WWOX: variants seen among roughly 807,000 people sequenced by gnomAD.
The protein encoded by WWOX is WW domain containing oxidoreductase, also known as WW domain-containing oxidoreductase.
In WWOX, 69 loss-of-function variants were observed where a neutral mutation model predicts 46.2. The observed-to-expected ratio is 1.49, with a 90% confidence interval of 1.23 to 1.82. The LOEUF is 1.82. Among genes scored for constraint, WWOX ranks in the 40% most tolerant of loss-of-function variants. The probability of loss-of-function intolerance (pLI) is 0.00; values close to 1 mark genes in which losing one functional copy is unlikely to be tolerated. For synonymous variants in WWOX, 359 were observed against 202.6 expected, an observed-to-expected ratio of 1.77 and a Z score of -6.56; for missense variants, 919 against 542.6, an observed-to-expected ratio of 1.69 and a Z score of -6.89.
At chr16:78,391,857 G>A (rs2082180027) in intron 6 of WWOX, among the ~76,000 whole-genome samples, 1 of 152,130 alleles carries the variant, frequency 6.6e-6, no homozygotes, top group East Asian at 1.9e-4. Flanking sequence ...CCAAAATTTA[G>A]TGGCTAAAAA....
intron 8 of WWOX, among the ~76,000 whole-genome samples, chr16:78,481,390 A>G (rs1245747248): frequency 1.3e-5 from 2 of 152,060 alleles, no homozygotes; most frequent in Non-Finnish European, 2.9e-5. Flanking sequence ...ATATCCTTTC[A>G]ATAGAGGTGA....
At chr16:78,497,854 A>C (rs1717451774) in intron 8 of WWOX, among the ~76,000 whole-genome samples, 1 of 62,872 alleles carries the variant, frequency 1.6e-5, no homozygotes. Flanking sequence ...AGTTACTGAG[A>C]ATTATAAAAA....
At chr16:78,774,738 A>G (rs117358412) in intron 8 of WWOX, among the ~76,000 whole-genome samples, 3 of 152,076 alleles carry the variant, frequency 2.0e-5, no homozygotes, top group African/African-American at 7.2e-5. Context: ...ACACATACAC[A>G]CACATGGGCA....
chr16:78,388,748 T>A (rs760791901), intron 6 of WWOX, among the ~76,000 whole-genome samples: 5 of 148,708 alleles, frequency 3.4e-5, no homozygotes, highest in Non-Finnish European at 4.4e-5. Flanking sequence ...GGTGGGCGGA[T>A]CACCTGAAGT....
intron 5 of WWOX, among the ~76,000 whole-genome samples, chr16:78,361,432 C>G (rs557114529): frequency 4.0e-4 from 61 of 152,256 alleles, no homozygotes; most frequent in African/African-American, 1.4e-3. Flanking sequence ...TGAGATGATG[C>G]TGGCAGCCCC....
intron 8 of WWOX, among the ~76,000 whole-genome samples, chr16:78,740,136 T>C (rs145017203): frequency 0.012 from 1,778 of 152,198 alleles, 22 homozygotes; most frequent in Non-Finnish European, 0.015. Context: ...CTGCTGAGTT[T>C]GAAAATAATT....
intron 8 of WWOX, among the ~76,000 whole-genome samples, chr16:79,015,323 A>G (rs1201374580): frequency 6.6e-6 from 1 of 152,220 alleles, no homozygotes; most frequent in Non-Finnish European, 1.5e-5. Flanking sequence ...ACAGAATTCC[A>G]GTGCCACCAT....
intron 8 of WWOX, among the ~76,000 whole-genome samples, chr16:78,473,682 A>T (rs2084286259): frequency 6.6e-6 from 1 of 152,110 alleles, no homozygotes; most frequent in African/African-American, 2.4e-5. Flanking sequence ...AATTGTCTTA[A>T]ACAAGTCCCA....
At chr16:78,825,016 G>C (rs776412170) in intron 8 of WWOX, among the ~76,000 whole-genome samples, 1 of 152,134 alleles carries the variant, frequency 6.6e-6, no homozygotes, top group Non-Finnish European at 1.5e-5. Flanking sequence ...GTGCTCTGTG[G>C]TTTCTCTCTC....
intron 8 of WWOX, among the ~76,000 whole-genome samples, chr16:78,453,693 A>G (rs2083746353): frequency 6.6e-6 from 1 of 152,176 alleles, no homozygotes; most frequent in Non-Finnish European, 1.5e-5. Flanking sequence ...TCAGTGCTGT[A>G]TCAACACTGA....
At chr16:78,931,824 C>T (rs1465410338) in intron 8 of WWOX, among the ~76,000 whole-genome samples, 1 of 152,202 alleles carries the variant, frequency 6.6e-6, no homozygotes, top group Non-Finnish European at 1.5e-5. Flanking sequence ...TGAACTTTAG[C>T]TCCCATAATC....
At chr16:78,911,182 G>T (rs952008690) in intron 8 of WWOX, among the ~76,000 whole-genome samples, 21 of 151,948 alleles carry the variant, frequency 1.4e-4, no homozygotes, top group African/African-American at 4.8e-4. Flanking sequence ...CACCACACCA[G>T]CCCACTTTCC....
chr16:78,684,090 G>A (rs2738628), intron 8 of WWOX, among the ~76,000 whole-genome samples: 94,075 of 151,820 alleles, frequency 0.62, 29,302 homozygotes, highest in Middle Eastern at 0.67. Context: ...TTAGCTCATG[G>A]CCGTGCAGTT....
At chr16:78,116,486 T>C (rs1183858500) in intron 4 of WWOX, among the ~76,000 whole-genome samples, 1 of 152,214 alleles carries the variant, frequency 6.6e-6, no homozygotes, top group African/African-American at 2.4e-5. Flanking sequence ...GGAAATTTTT[T>C]TTTAAGAATT....
Position 78,820,815 on chromosome 16 carries a change from G to C in WWOX, c.1056+388063G>C, listed in dbSNP as rs370963819. 5.3e-4 allele frequency among the ~76,000 whole-genome samples: 81 copies of C among 152,210 alleles called. 2 individuals carry two copies. In the South Asian group the frequency reaches 0.016, roughly 30 times the overall value. The stretch of plus-strand genomic sequence containing the variant: ...TTCGTTCCTTCTGGAAGCTATGAGG[G>C]AGAAACCATGCCATGCCTGTCTCCT... On this transcript the variant is annotated intron_variant, in intron 8 of 8. Transcript: ENST00000566780.
At chr16:78,938,022 C>T (rs568877857) in intron 8 of WWOX, among the ~76,000 whole-genome samples, 10 of 152,282 alleles carry the variant, frequency 6.6e-5, no homozygotes, top group African/African-American at 2.2e-4. Flanking sequence ...TATTGCTGTC[C>T]TCACCGTCCT....
At chr16:78,567,623 A>C (rs1597279682) in intron 8 of WWOX, among the ~76,000 whole-genome samples, 1 of 150,578 alleles carries the variant, frequency 6.6e-6, no homozygotes, top group East Asian at 2.0e-4. Context: ...AGCTCGCCGC[A>C]GCCTGCTATT....
At chr16:78,106,857 T>C (rs1336283571) in intron 1 of WWOX, among the ~76,000 whole-genome samples, 1 of 152,174 alleles carries the variant, frequency 6.6e-6, no homozygotes, top group Non-Finnish European at 1.5e-5. Context: ...TGTCTCGCCT[T>C]TTCAGCAGCT....
At chr16:78,944,085 TTTTGTTTG>T (rs895646144) in intron 8 of WWOX, among the ~76,000 whole-genome samples, 7 of 151,936 alleles carry the variant, frequency 4.6e-5, no homozygotes, top group African/African-American at 1.7e-4. Flanking sequence ...TCCTCCTGGG[TTTTGTTTG>T]TTTGTTTGTT....
Sources: gnomAD v4.1 joint callset for allele counts (sites outside exome capture counted in the v4.1 genomes callset) on GRCh38, gnomAD v4.1.1 for gene constraint, MANE v1.5 for transcripts, NCBI Gene and HGNC (gene_info 2026-07-23, HGNC 2026-07-21) for gene names.